Variants in NRDE2 observed in about 807,000 individuals in gnomAD.
NRDE2 encodes the protein nuclear exosome regulator NRDE2.
NRDE2 carries 76 observed loss-of-function variants against 124.2 expected under a neutral mutation model. That is an observed-to-expected ratio of 0.61 (90% CI 0.51 to 0.74). NRDE2 has a LOEUF of 0.74. NRDE2 is among the 30% of genes least tolerant of loss of function. The probability of loss-of-function intolerance (pLI) is 0.00; values close to 1 mark genes in which losing one functional copy is unlikely to be tolerated. For synonymous variants in NRDE2, 489 were observed against 528.1 expected, an observed-to-expected ratio of 0.93 and a Z score of 1.01; for missense variants, 1,314 against 1,417.3, an observed-to-expected ratio of 0.93 and a Z score of 1.17.
chr14:90,268,501 C>T lies in NRDE2; in HGVS notation c.*9835G>A, dbSNP rs1891576831. ...AGAATGAGCAATCTCAGGGGGCTCT[C>T]CCTATGGCCACAGTTCTTGCTGTGC... On this transcript the variant is annotated 3_prime_UTR_variant, in exon 14 of 14. Transcript: ENST00000354366. 7.7e-7 allele frequency: 1 copy of T among 1,299,350 alleles called. No homozygotes were observed. The highest frequency in any genetic ancestry group is 1.1e-6 in the Non-Finnish European group (1 of 917,956). The allele number at this position is 1,299,350 out of a possible 1,614,324, so 80.5% of individuals were successfully genotyped here. A position where few individuals can be genotyped will look rare whatever the true frequency, so the allele number is the denominator to read the frequency against.
chr14:90,323,553 G>A (rs941316467), intron 1 of NRDE2, among the ~76,000 whole-genome samples: 1 of 152,162 alleles, frequency 6.6e-6, no homozygotes, highest in Non-Finnish European at 1.5e-5. Flanking sequence ...TATTATGGAA[G>A]AAGATTTGTT....
At position 90,268,709 on chromosome 14, in the gene NRDE2, A is replaced by T; in HGVS notation, c.*9627T>A. ...TGAGCACAAGTCTCTGCCCTGGAGGAGCTCACAGGTTGTAGGGATCAGATA... is the reference window on the plus strand; with the variant it reads ...TGAGCACAAGTCTCTGCCCTGGAGGTGCTCACAGGTTGTAGGGATCAGATA... On this transcript the variant is annotated 3_prime_UTR_variant, in exon 14 of 14. Transcript: ENST00000354366. 1 of 291,794 alleles carries T rather than the reference A, an allele frequency of 3.4e-6. No homozygotes were observed. Among genetic ancestry groups the T allele is most frequent in the Non-Finnish European group, 6.3e-6 (1 of 158,340 alleles). 18.1% of individuals were successfully genotyped at this position (291,794 alleles called of 1,614,324 possible).
Position 90,288,945 on chromosome 14 carries a change from T to G in NRDE2, c.2430A>C (p.Ala810=). 6.2e-7 allele frequency: 1 copy of G among 1,612,224 alleles called. No homozygotes were observed. The highest frequency in any genetic ancestry group is 8.5e-7 in the Non-Finnish European group (1 of 1,178,328). ...RKVFDTALGM[A]GSRELKDSDL... is the part of the protein sequence containing the mutation. The stretch of plus-strand genomic sequence containing the variant: ...CAGAGTCTTTCAGTTCTCTGCTTCC[T>G]GCCATGCCAAGTGCTGTGTCAAAAA... Residue 810 remains alanine, a synonymous_variant, in exon 11 of 14, where the codon GCA becomes GCC. Coordinates refer to ENST00000354366, the MANE Select transcript of NRDE2 (RefSeq NM_017970.4).
chr14:90,271,737 C>G lies in NRDE2; in HGVS notation c.*6599G>C, dbSNP rs1209351097. 1.3e-5 allele frequency: 2 copies of G among 152,254 alleles called. No homozygotes were observed. Among genetic ancestry groups the G allele is most frequent in the Non-Finnish European group, 2.9e-5 (2 of 68,086 alleles). 9.4% of individuals were successfully genotyped at this position (152,254 alleles called of 1,614,324 possible). A position where few individuals can be genotyped will look rare whatever the true frequency, so the allele number is the denominator to read the frequency against. Reference sequence around the variant, plus strand: ...AAAACTAGAACCCACAGCCCTGACCCTTGGGTCAGTCTTAGTTACAGTAAC... The same window carrying G: ...AAAACTAGAACCCACAGCCCTGACCGTTGGGTCAGTCTTAGTTACAGTAAC... On this transcript the variant is annotated 3_prime_UTR_variant, in exon 14 of 14. Coordinates refer to ENST00000354366, the MANE Select transcript of NRDE2 (RefSeq NM_017970.4).
At chr14:90,284,321 G>A (rs1443213005) in intron 12 of NRDE2, among the ~76,000 whole-genome samples, 1 of 151,730 alleles carries the variant, frequency 6.6e-6, no homozygotes, top group East Asian at 1.9e-4. Flanking sequence ...TAAGATTTAT[G>A]AGTAAGGAGG....
rs1444004176 is a variant in NRDE2 at position 90,270,856 on chromosome 14, T to G, written c.*7480A>C. ...CAGCAAGGTCTGGCAGCGTTGAATA[T>G]GGGTTCTACCTGCTTTTCCTGGAAA... On this transcript the variant is annotated 3_prime_UTR_variant, in exon 14 of 14. Transcript: ENST00000354366. 6.6e-6 allele frequency: 1 copy of G among 152,366 alleles called. No individual in the cohort carries two copies. Among genetic ancestry groups the G allele is most frequent in the Admixed American group, 6.5e-5 (1 of 15,300 alleles). The allele number at this position is 152,366 out of a possible 1,614,324, so 9.4% of individuals were successfully genotyped here.
At chr14:90,294,668 G>A (rs1171444130) in intron 8 of NRDE2, among the ~76,000 whole-genome samples, 1 of 152,108 alleles carries the variant, frequency 6.6e-6, no homozygotes, top group African/African-American at 2.4e-5. Flanking sequence ...ATGACTGCTG[G>A]GGCCTGGGGG....
At position 90,268,708 on chromosome 14, in the gene NRDE2, G is replaced by A. The variant is rs1000110869; in HGVS notation, c.*9628C>T. 9.3e-5 allele frequency: 27 copies of A among 291,582 alleles called. No homozygotes were observed. The highest frequency in any genetic ancestry group is 1.3e-4 in the Non-Finnish European group (20 of 158,362). The allele number at this position is 291,582 out of a possible 1,614,324, so 18.1% of individuals were successfully genotyped here. On this transcript the variant is annotated 3_prime_UTR_variant, in exon 14 of 14. Coordinates refer to ENST00000354366, the MANE Select transcript of NRDE2 (RefSeq NM_017970.4). ...GTGAGCACAAGTCTCTGCCCTGGAG[G>A]AGCTCACAGGTTGTAGGGATCAGAT...
intron 13 of NRDE2, chr14:90,278,716 GC>G (rs2139662602): frequency 3.7e-6 from 2 of 539,092 alleles, no homozygotes; most frequent in African/African-American, 3.8e-5. Flanking sequence ...GCTGGCCGTC[GC>G]CCTCAGTTTC....
intron 1 of NRDE2, among the ~76,000 whole-genome samples, chr14:90,330,656 A>T (rs184132552): frequency 2.0e-5 from 3 of 151,884 alleles, no homozygotes; most frequent in East Asian, 1.9e-4. Flanking sequence ...ACTAAATATT[A>T]AAAAAAATTA....
At position 90,289,110 on chromosome 14, in the gene NRDE2, T is replaced by C. The variant is rs371747379; in HGVS notation, c.2265A>G (p.Arg755=). 1.1e-4 allele frequency: 181 copies of C among 1,610,092 alleles called. No individual in the cohort carries two copies. Among genetic ancestry groups the C allele is most frequent in the Admixed American group, 2.2e-4 (13 of 59,744 alleles). Residue 755 remains arginine, a synonymous_variant, in exon 11 of 14, where the codon AGA becomes AGG. Transcript: ENST00000354366. ...TGCAGTTCTTCCCTTGAGACTTTAA[T>C]CTCTTCTTGTTTTTAGTGTGCAGGC... ...IWCLHTKNKK[R]LKSQGKNCKK...
intron 6 of NRDE2, chr14:90,301,741 G>A (rs902574444): frequency 4.4e-6 from 2 of 456,862 alleles, no homozygotes; most frequent in African/African-American, 4.0e-5. Context: ...GCAAAGAGCT[G>A]TATTCAGTTG....
At position 90,270,268 on chromosome 14, in the gene NRDE2, C is replaced by T. The variant is rs778723948; in HGVS notation, c.*8068G>A. ...CGAAGAAGCGCATCTTTCAGATTCACACAAGCAGGATGACGCTGGCTGATG... is the reference window on the plus strand; with the variant it reads ...CGAAGAAGCGCATCTTTCAGATTCATACAAGCAGGATGACGCTGGCTGATG... On this transcript the variant is annotated 3_prime_UTR_variant, in exon 14 of 14. Coordinates refer to ENST00000354366, the MANE Select transcript of NRDE2 (RefSeq NM_017970.4). 6.8e-6 allele frequency: 11 copies of T among 1,613,658 alleles called. No homozygotes were observed. The highest frequency in any genetic ancestry group is 8.5e-6 in the Non-Finnish European group (10 of 1,179,880).
chr14:90,303,832 G>C, intron 5 of NRDE2, 103 bp downstream of exon 5: 1 of 1,031,070 alleles, frequency 9.7e-7, no homozygotes, highest in South Asian at 1.5e-5. Context: ...TATGCCCAGT[G>C]TCAAATTTCC....
chr14:90,311,477 TG>T (rs1304669744), intron 4 of NRDE2, among the ~76,000 whole-genome samples: 1 of 152,186 alleles, frequency 6.6e-6, no homozygotes, highest in Non-Finnish European at 1.5e-5. Context: ...CGAGATCTGA[TG>T]GTTTTATAAA....
intron 1 of NRDE2, among the ~76,000 whole-genome samples, chr14:90,327,863 G>T (rs1159377598): frequency 6.6e-6 from 1 of 152,158 alleles, no homozygotes; most frequent in African/African-American, 2.4e-5. Flanking sequence ...CCAGGAGTAA[G>T]CTGGGCGCAG....
At position 90,272,327 on chromosome 14, in the gene NRDE2, A is replaced by G. The variant is rs1434826647; in HGVS notation, c.*6009T>C. ...CTTAAGAGAACGTAGAATGAAAGTA[A>G]CAAATGAAGACTTCAAAAAATCTAA... On this transcript the variant is annotated 3_prime_UTR_variant, in exon 14 of 14. Coordinates refer to ENST00000354366, the MANE Select transcript of NRDE2 (RefSeq NM_017970.4). The surrounding 1 kb of genome is among the most constrained non-coding windows in gnomAD (Gnocchi z 4.5). 6.2e-7 allele frequency: 1 copy of G among 1,604,940 alleles called. No homozygotes were observed. The highest frequency in any genetic ancestry group is 8.5e-7 in the Non-Finnish European group (1 of 1,178,188).
rs1491397403 is a variant in NRDE2 at position 90,274,838 on chromosome 14, A to ACACACACACCCCCCC, written c.*3497_*3498insGGGGGGGTGTGTGTG. On this transcript the variant is annotated 3_prime_UTR_variant, in exon 14 of 14. Coordinates refer to ENST00000354366, the MANE Select transcript of NRDE2 (RefSeq NM_017970.4). ...CACACACACACACACACACACACAC[A>ACACACACACCCCCCC]CCCCAATACATATGAATTGATCTGA... 1 of 67,184 alleles carries ACACACACACCCCCCC rather than the reference A, an allele frequency of 1.5e-5. No homozygotes were observed. The highest frequency in any genetic ancestry group is 3.2e-5 in the Non-Finnish European group (1 of 31,318). 4.2% of individuals were successfully genotyped at this position (67,184 alleles called of 1,614,324 possible).
In NRDE2 at chr14:90,268,503, C is replaced by A; in HGVS notation, c.*9833G>T. On this transcript the variant is annotated 3_prime_UTR_variant, in exon 14 of 14. Transcript: ENST00000354366. ...AATGAGCAATCTCAGGGGGCTCTCC[C>A]TATGGCCACAGTTCTTGCTGTGCGT... 7.8e-7 allele frequency: 1 copy of A among 1,285,820 alleles called. No homozygotes were observed. 79.7% of individuals were successfully genotyped at this position (1,285,820 alleles called of 1,614,324 possible).
Sources: allele counts gnomAD v4.1 joint callset (sites outside exome capture counted in the v4.1 genomes callset), GRCh38; gene constraint gnomAD v4.1.1; non-coding constraint Gnocchi (gnomAD v3.1); transcripts MANE v1.5; gene names NCBI Gene and HGNC (gene_info 2026-07-23, HGNC 2026-07-21).